NFIA: variants seen among roughly 807,000 people sequenced by gnomAD.
NFIA encodes nuclear factor 1 A-type.
NFIA carries 8 observed loss-of-function variants against 62.8 expected under a neutral mutation model. That is an observed-to-expected ratio of 0.13 (90% CI 0.07 to 0.23). NFIA has a LOEUF of 0.23. NFIA is among the 10% of genes least tolerant of loss of function. The probability of loss-of-function intolerance (pLI) is 1.00; values close to 1 mark genes in which losing one functional copy is unlikely to be tolerated. For synonymous variants in NFIA, 235 were observed against 238.1 expected, an observed-to-expected ratio of 0.99 and a Z score of 0.12; for missense variants, 410 against 642.1, an observed-to-expected ratio of 0.64 and a Z score of 3.91.
rs1434065499 is a variant in NFIA, at chr1:61,459,432, T to G, written c.*4112T>G. 2.0e-5 allele frequency: 3 copies of G among 152,270 alleles called. No individual in the cohort carries two copies. The highest frequency in any genetic ancestry group is 2.9e-5 in the Non-Finnish European group (2 of 68,080). The allele number at this position is 152,270 out of a possible 1,614,324, so 9.4% of individuals were successfully genotyped here. On this transcript the variant is annotated 3_prime_UTR_variant, in exon 11 of 11. Coordinates refer to ENST00000403491, the MANE Select transcript of NFIA (RefSeq NM_001134673.4). ...AGAGGGCCTCCCAGTAATGCCACGC[T>G]CTCCATGCTAGAGAGCCTTCTCTTT...
intron 2 of NFIA, among the ~76,000 whole-genome samples, chr1:61,219,007 A>G (rs1001251333): frequency 6.6e-6 from 1 of 152,020 alleles, no homozygotes; most frequent in African/African-American, 2.4e-5. Flanking sequence ...CGAGGCGGGC[A>G]TATCACCTGA....
chr1:61,239,724 C>T (rs1373986548), intron 2 of NFIA, among the ~76,000 whole-genome samples: 2 of 151,932 alleles, frequency 1.3e-5, no homozygotes, highest in African/African-American at 2.4e-5. Context: ...ATATATTATT[C>T]GAAATAATTG....
chr1:61,406,426 A>G (rs1665822350), intron 8 of NFIA, 136 bp from the exon 9 acceptor site: 2 of 758,710 alleles, frequency 2.6e-6, no homozygotes, highest in Non-Finnish European at 4.3e-6. Flanking sequence ...CTTATGGAAG[A>G]ATTGAAGCAG....
intron 9 of NFIA, among the ~76,000 whole-genome samples, chr1:61,410,637 T>G (rs1279893697): frequency 1.3e-5 from 2 of 152,180 alleles, no homozygotes; most frequent in Admixed American, 6.5e-5. Flanking sequence ...GCTTCGTGGC[T>G]CACACCTGTA....
At chr1:61,120,804 T>A (rs1262963982) in intron 2 of NFIA, among the ~76,000 whole-genome samples, 2 of 152,164 alleles carry the variant, frequency 1.3e-5, no homozygotes, top group East Asian at 3.9e-4. Flanking sequence ...TTAAGGAGAA[T>A]GGAAATATTG....
At chr1:61,381,578 T>G (rs1432899398) in intron 6 of NFIA, among the ~76,000 whole-genome samples, 1 of 152,236 alleles carries the variant, frequency 6.6e-6, no homozygotes, top group Non-Finnish European at 1.5e-5. Context: ...ATGTTGTACT[T>G]ATATCTGACT....
intron 2 of NFIA, among the ~76,000 whole-genome samples, chr1:61,089,117 C>G (rs1646272102): frequency 6.6e-6 from 1 of 152,054 alleles, no homozygotes; most frequent in South Asian, 2.1e-4. Context: ...GAACCCCTTG[C>G]CAATTAAGAA....
chr1:61,092,683 T>C (rs933898866), intron 2 of NFIA, among the ~76,000 whole-genome samples: 1 of 152,228 alleles, frequency 6.6e-6, no homozygotes, highest in African/African-American at 2.4e-5. Flanking sequence ...TATTATTCCA[T>C]TTCAGCCAAA....
rs1388713272 is a variant in NFIA, at chr1:61,455,954, A to C, written c.*634A>C. On this transcript the variant is annotated 3_prime_UTR_variant, in exon 11 of 11. Transcript: ENST00000403491. ...CATGGCCCGCAAGGACAATGAATCCACTCACATTGCAGAACAATTCCGAAA... is the reference window on the plus strand; with the variant it reads ...CATGGCCCGCAAGGACAATGAATCCCCTCACATTGCAGAACAATTCCGAAA... 6.5e-6 allele frequency: 1 copy of C among 152,694 alleles called. No individual in the cohort carries two copies. The highest frequency in any genetic ancestry group is 2.4e-5 in the African/African-American group (1 of 41,452). The allele number at this position is 152,694 out of a possible 1,614,324, so 9.5% of individuals were successfully genotyped here.
intron 1 of NFIA, among the ~76,000 whole-genome samples, chr1:61,086,202 G>A (rs959739358): frequency 6.6e-6 from 1 of 152,062 alleles, no homozygotes. Flanking sequence ...CAGAGTCTTG[G>A]TCCCTAGCAT....
chr1:61,089,476 A>C lies in NFIA; in HGVS notation c.559+796A>C, dbSNP rs145805138. ...AAAACTATTGAGGACTGGATAAAAT[A>C]ATGCATTTTTACTTTGTTCCTTTCG... is the stretch of plus-strand genomic sequence containing the variant. On this transcript the variant is annotated intron_variant, in intron 2 of 10. Transcript: ENST00000403491. Among the ~76,000 whole-genome samples, 1,012 of 152,278 alleles carry C rather than the reference A, an allele frequency of 6.6e-3. 15 individuals are homozygous for C. Among genetic ancestry groups the C allele is most frequent in the African/African-American group, 0.022 (930 of 41,550 alleles).
At chr1:61,433,123 C>G (rs1346454168) in intron 10 of NFIA, among the ~76,000 whole-genome samples, 2 of 152,220 alleles carry the variant, frequency 1.3e-5, no homozygotes, top group Admixed American at 6.5e-5. Context: ...GACTCACACT[C>G]TTATATCAAG....
At chr1:61,364,140 T>C (rs926706780) in intron 6 of NFIA, among the ~76,000 whole-genome samples, 2 of 151,908 alleles carry the variant, frequency 1.3e-5, no homozygotes, top group African/African-American at 2.4e-5. Context: ...GAGACAGGGT[T>C]TCATCATATT....
chr1:61,384,675 C>T (rs1450951292), intron 7 of NFIA, among the ~76,000 whole-genome samples: 1 of 152,056 alleles, frequency 6.6e-6, no homozygotes, highest in East Asian at 1.9e-4. Flanking sequence ...ATATGAAGCC[C>T]TTTTAGTCAG....
intron 10 of NFIA, among the ~76,000 whole-genome samples, chr1:61,446,323 G>A (rs1299844334): frequency 2.0e-5 from 3 of 152,180 alleles, no homozygotes; most frequent in Non-Finnish European, 1.5e-5. Context: ...GCCTTCCAGG[G>A]GTTGTGGTTT....
Position 61,457,352 on chromosome 1 carries a change from C to T in NFIA, c.*2032C>T, listed in dbSNP as rs1165347838. ...TTCCCTAGTCAAGCATTTGGAGACA[C>T]TTTTTGTAAATGTGACTTTTATGTC... On this transcript the variant is annotated 3_prime_UTR_variant, in exon 11 of 11. Transcript: ENST00000403491. The surrounding 1 kb of genome is among the most constrained non-coding windows in gnomAD (Gnocchi z 4.2). 2 of 152,146 alleles carry T rather than the reference C, an allele frequency of 1.3e-5. No homozygotes were observed. Among genetic ancestry groups the T allele is most frequent in the African/African-American group, 4.8e-5 (2 of 41,420 alleles). The allele number at this position is 152,146 out of a possible 1,614,324, so 9.4% of individuals were successfully genotyped here.
intron 2 of NFIA, chr1:61,249,916 A>G (rs1261543317): frequency 1.3e-5 from 2 of 152,244 alleles, no homozygotes; most frequent in African/African-American, 2.4e-5. Context: ...CAAACATGGT[A>G]TGGGTTGGAA....
At chr1:61,200,048 ATATATATATATATATATATG>A (rs1465264681) in intron 2 of NFIA, among the ~76,000 whole-genome samples, 15 of 48,386 alleles carry the variant, frequency 3.1e-4, no homozygotes, top group African/African-American at 1.2e-3. Flanking sequence ...ATATATATAT[ATATATATATATATATATATG>A]TATGTATGTT....
At chr1:61,310,974 A>G (rs571178549) in intron 3 of NFIA, among the ~76,000 whole-genome samples, 2 of 152,264 alleles carry the variant, frequency 1.3e-5, no homozygotes, top group South Asian at 4.1e-4. Context: ...TTATCTCTGT[A>G]TCCCCAGTAC....
Sources: allele counts gnomAD v4.1 joint callset (sites outside exome capture counted in the v4.1 genomes callset), GRCh38; gene constraint gnomAD v4.1.1; non-coding constraint Gnocchi (gnomAD v3.1); transcripts MANE v1.5; gene names NCBI Gene and HGNC (gene_info 2026-07-23, HGNC 2026-07-21).